The following SLC1A2 variants were observed in gnomAD, a reference collection of about 807,000 sequenced individuals.
The protein encoded by SLC1A2 is excitatory amino acid transporter 2.
SLC1A2 carries 15 observed loss-of-function variants against 48.8 expected under a neutral mutation model. That is an observed-to-expected ratio of 0.31 (90% CI 0.21 to 0.47). The LOEUF (loss-of-function observed/expected upper bound fraction) is 0.47, where lower values mean the gene tolerates loss of function less well. SLC1A2 is among the 20% of genes least tolerant of loss of function. SLC1A2 has a pLI of 0.99. For synonymous variants in SLC1A2, 279 were observed against 272.6 expected, an observed-to-expected ratio of 1.02 and a Z score of -0.23; for missense variants, 502 against 730.5, an observed-to-expected ratio of 0.69 and a Z score of 3.61.
rs183933925 is a variant in SLC1A2 at position 35,389,465 on chromosome 11, C to A, written c.17+29485G>T. 5.9e-3 allele frequency among the ~76,000 whole-genome samples: 899 copies of A among 151,460 alleles called. 5 individuals carry two copies. The highest frequency in any genetic ancestry group is 0.012 in the African/African-American group (510 of 41,272). On this transcript the variant is annotated intron_variant, in intron 1 of 10. Transcript: ENST00000278379. ...TCTTCTCCTTCTCCTTCTTCTTCTT[C>A]TTATTATTATTTTTCTTTTGGTGAG...
At chr11:35,367,229 A>T (rs934139059) in intron 1 of SLC1A2, among the ~76,000 whole-genome samples, 1 of 152,138 alleles carries the variant, frequency 6.6e-6, no homozygotes, top group South Asian at 2.1e-4. Context: ...GGTAGATTTG[A>T]CCCTGAGCTA....
chr11:35,303,919 A>G (rs1387322811), intron 5 of SLC1A2, among the ~76,000 whole-genome samples: 2 of 152,166 alleles, frequency 1.3e-5, no homozygotes, highest in Non-Finnish European at 2.9e-5. Flanking sequence ...ACAAACAAAT[A>G]AAAAAGCCAC....
rs556893181 is a variant in SLC1A2, at chr11:35,322,608, T to C, written c.18-5092A>G. 9.1e-6 allele frequency: 14 copies of C among 1,535,194 alleles called. No individual in the cohort carries two copies. In the African/African-American group the frequency reaches 1.6e-4, roughly 18 times the overall value. On this transcript the variant is annotated intron_variant, in intron 1 of 10. Coordinates refer to ENST00000278379, the MANE Select transcript of SLC1A2 (RefSeq NM_004171.4). ...TAACCTCTCCTCCCTGGCCCCAGGCTTCAGGATCTGGAGAGGTACTGGGGA... is the reference window on the plus strand; with the variant it reads ...TAACCTCTCCTCCCTGGCCCCAGGCCTCAGGATCTGGAGAGGTACTGGGGA...
At chr11:35,375,370 G>A (rs1486593388) in intron 1 of SLC1A2, among the ~76,000 whole-genome samples, 2 of 152,212 alleles carry the variant, frequency 1.3e-5, no homozygotes, top group Non-Finnish European at 2.9e-5. Flanking sequence ...CGTGAATTCA[G>A]AGGAACAAGG....
chr11:35,378,061 C>A (rs1300047198), intron 1 of SLC1A2, among the ~76,000 whole-genome samples: 1 of 152,224 alleles, frequency 6.6e-6, no homozygotes, highest in Non-Finnish European at 1.5e-5. Context: ...CAGAACCACA[C>A]AAGCTCCCAG....
At chr11:35,385,119 G>C (rs943333431) in intron 1 of SLC1A2, among the ~76,000 whole-genome samples, 2 of 152,228 alleles carry the variant, frequency 1.3e-5, no homozygotes, top group African/African-American at 4.8e-5. Context: ...CAGTGAGACA[G>C]TGAAATAGAA....
At chr11:35,411,854 C>T (rs1387817726) in intron 1 of SLC1A2, among the ~76,000 whole-genome samples, 6 of 152,118 alleles carry the variant, frequency 3.9e-5, no homozygotes, top group African/African-American at 1.4e-4. Context: ...GTGACATTTT[C>T]TTTTGAATGG....
At chr11:35,310,731 ATG>A (rs1214858141) in intron 4 of SLC1A2, among the ~76,000 whole-genome samples, 1 of 152,098 alleles carries the variant, frequency 6.6e-6, no homozygotes, top group Non-Finnish European at 1.5e-5. Context: ...GGTGTGCGGG[ATG>A]TGTTCTAGCC....
In SLC1A2 at chr11:35,257,121, G is replaced by GAAGAAGCC. The variant is rs1565193084; in HGVS notation, c.*3772_*3773insGGCTTCTT. The stretch of plus-strand genomic sequence containing the variant: ...AGTAAATGAGTTTCCCAACCACTTT[G>GAAGAAGCC]CTCCAAAAGGGCTTCTTGACTAGAT... On this transcript the variant is annotated 3_prime_UTR_variant, in exon 11 of 11. Transcript: ENST00000278379. The GAAGAAGCC allele has an allele frequency of 1.3e-5, 2 of 152,258 alleles. No individual in the cohort carries two copies. Among genetic ancestry groups the GAAGAAGCC allele is most frequent in the East Asian group, 3.9e-4 (2 of 5,184 alleles). 9.4% of individuals were successfully genotyped at this position (152,258 alleles called of 1,614,324 possible). A position where few individuals can be genotyped will look rare whatever the true frequency, so the allele number is the denominator to read the frequency against.
At chr11:35,334,581 T>C (rs1267291268) in intron 1 of SLC1A2, among the ~76,000 whole-genome samples, 1 of 152,158 alleles carries the variant, frequency 6.6e-6, no homozygotes, top group East Asian at 1.9e-4. Context: ...TTAAGAATCA[T>C]TGATGACTGA....
intron 5 of SLC1A2, among the ~76,000 whole-genome samples, chr11:35,302,478 G>A (rs1428030004): frequency 1.3e-5 from 2 of 152,188 alleles, no homozygotes; most frequent in East Asian, 3.9e-4. Context: ...CCTCACATCA[G>A]CCTTTGGGGT....
intron 1 of SLC1A2, among the ~76,000 whole-genome samples, chr11:35,399,120 T>C (rs1855063114): frequency 6.6e-6 from 1 of 152,184 alleles, no homozygotes; most frequent in Non-Finnish European, 1.5e-5. Flanking sequence ...TTGGAATCTG[T>C]TCCTACCAGT....
rs1225318562 is a variant in SLC1A2 at position 35,395,833 on chromosome 11, C to A, written c.17+23117G>T. ...CAATGCTATCCCTCCCCCCTCCCCC[C>A]ACCCCACAACAGTCCCCAGAGTGTG... On this transcript the variant is annotated intron_variant, in intron 1 of 10. Coordinates refer to ENST00000278379, the MANE Select transcript of SLC1A2 (RefSeq NM_004171.4). Among the ~76,000 whole-genome samples the A allele has an allele frequency of 3.9e-3, 416 of 105,536 alleles. 5 individuals carry two copies. Among genetic ancestry groups the A allele is most frequent in the African/African-American group, 0.015 (397 of 27,142 alleles). 69.2% of individuals were successfully genotyped at this position (105,536 alleles called of 152,430 possible).
At chr11:35,280,515 C>A in intron 9 of SLC1A2, 1 of 196,118 alleles carries the variant, frequency 5.1e-6, no homozygotes, top group Non-Finnish European at 1.0e-5. Flanking sequence ...CTTAGAGCTT[C>A]ATATAAATGG....
chr11:35,310,982 C>G (rs1484889598), intron 4 of SLC1A2, among the ~76,000 whole-genome samples: 1 of 152,012 alleles, frequency 6.6e-6, no homozygotes, highest in East Asian at 1.9e-4. Flanking sequence ...CTTGTCCTGA[C>G]AAGGACATTT....
intron 6 of SLC1A2, among the ~76,000 whole-genome samples, chr11:35,296,853 T>C (rs1046069760): frequency 2.0e-5 from 3 of 152,092 alleles, no homozygotes; most frequent in Non-Finnish European, 2.9e-5. Flanking sequence ...CTTATTACTA[T>C]TCGAATTAAT....
chr11:35,333,345 A>T (rs533765360), intron 1 of SLC1A2, among the ~76,000 whole-genome samples: 1 of 151,326 alleles, frequency 6.6e-6, no homozygotes, highest in East Asian at 2.0e-4. Flanking sequence ...TGAACCTGGG[A>T]GGCGGAGGCA....
At chr11:35,342,793 A>C (rs995049331) in intron 1 of SLC1A2, among the ~76,000 whole-genome samples, 3 of 72,624 alleles carry the variant, frequency 4.1e-5, no homozygotes, top group Non-Finnish European at 8.4e-5. Context: ...GTCTCAAAAA[A>C]ATAAAATTAA....
chr11:35,340,666 C>T (rs1238395256), intron 1 of SLC1A2, among the ~76,000 whole-genome samples: 1 of 152,218 alleles, frequency 6.6e-6, no homozygotes, highest in Non-Finnish European at 1.5e-5. Context: ...TAAGTGCCAA[C>T]TACAAAGAAG....
Sources: gnomAD v4.1 joint callset for allele counts (sites outside exome capture counted in the v4.1 genomes callset) on GRCh38, gnomAD v4.1.1 for gene constraint, MANE v1.5 for transcripts, NCBI Gene and HGNC (gene_info 2026-07-23, HGNC 2026-07-21) for gene names.